Variants in DMD observed in about 807,000 individuals in gnomAD.
DMD encodes the protein dystrophin, also known as mutant dystrophin.
A neutral mutation model predicts 330.1 loss-of-function variants in DMD; 63 were observed. The observed-to-expected ratio is 0.19, with a 90% confidence interval of 0.16 to 0.24. DMD has a LOEUF of 0.24. Ranked by LOEUF, DMD falls within the 10% of genes least tolerant of loss-of-function variation. DMD has a pLI of 1.00. For missense variants in DMD, 3,344 were observed against 2,684.1 expected (o/e 1.25, Z -5.43); for synonymous variants, 1,223 against 959.8 (o/e 1.27, Z -5.07).
chrX:33,172,075 G>A (rs1440841386), intron 1 of DMD, among the ~76,000 whole-genome samples: 2 of 110,826 alleles, frequency 1.8e-5, no homozygotes, highest in Middle Eastern at 4.2e-3. Flanking sequence ...GAAGAGGGGA[G>A]GAAAAGAGTA....
In DMD at chrX:31,723,623, A is replaced by AACACACACACACACACACACAC. The variant is rs55718177; in HGVS notation, c.7660+5986_7660+6007dup. On this transcript the variant is annotated intron_variant, in intron 52 of 78. Transcript: ENST00000357033. ...CTTCATTTACTCCCTTATCCTCCAC[A>AACACACACACACACACACACAC]ACACACACACACACACACACACACA... Among the ~76,000 whole-genome samples the AACACACACACACACACACACAC allele has an allele frequency of 5.4e-4, 42 of 77,664 alleles. 1 individual carries two copies. Among genetic ancestry groups the AACACACACACACACACACACAC allele is most frequent in the African/African-American group, 1.8e-3 (36 of 19,784 alleles). The allele number at this position is 77,664 out of a possible 115,157, so 67.4% of individuals were successfully genotyped here.
At chrX:32,127,293 A>G (rs1043274616) in intron 44 of DMD, among the ~76,000 whole-genome samples, 1 of 111,640 alleles carries the variant, frequency 9.0e-6, no homozygotes, top group Admixed American at 9.6e-5. Flanking sequence ...ATTTACTCAA[A>G]AGGGCTTACA....
chrX:32,586,171 A>C (rs1316089325), intron 13 of DMD, among the ~76,000 whole-genome samples: 3 of 111,346 alleles, frequency 2.7e-5, no homozygotes, highest in African/African-American at 9.8e-5. Flanking sequence ...AGTAAATAAA[A>C]TAAAAAATCC....
At position 31,376,851 on chromosome X, in the gene DMD, A is replaced by G. The variant is rs140726291; in HGVS notation, c.9085-28217T>C. 5.1e-3 allele frequency among the ~76,000 whole-genome samples: 569 copies of G among 111,965 alleles called. 1 individual carries two copies. Among genetic ancestry groups the G allele is most frequent in the African/African-American group, 0.017 (523 of 30,814 alleles). ...GCACTGGGCTTCTCCCCAGAGTCACACAGGATTCTGCAGGTTTTAATGATT... is the reference window on the plus strand; with the variant it reads ...GCACTGGGCTTCTCCCCAGAGTCACGCAGGATTCTGCAGGTTTTAATGATT... On this transcript the variant is annotated intron_variant, in intron 60 of 78. Transcript: ENST00000357033.
intron 41 of DMD, among the ~76,000 whole-genome samples, chrX:32,326,827 A>T (rs948737686): frequency 9.1e-5 from 10 of 109,759 alleles, no homozygotes; most frequent in Non-Finnish European, 1.5e-4. Flanking sequence ...GAATCACTTG[A>T]ACCTGGGAGA....
chrX:32,247,124 A>G (rs772475434), intron 43 of DMD, among the ~76,000 whole-genome samples: 1 of 111,943 alleles, frequency 8.9e-6, no homozygotes, highest in African/African-American at 3.3e-5. Context: ...AAAATTTTAC[A>G]TCATGAAAAT....
chrX:32,526,900 T>G (rs1471866168), intron 17 of DMD, among the ~76,000 whole-genome samples: 1 of 112,120 alleles, frequency 8.9e-6, no homozygotes, highest in East Asian at 2.8e-4. Flanking sequence ...TAAACTAAGA[T>G]GACACATTTA....
chrX:33,162,022 T>C (rs891830164), intron 1 of DMD, among the ~76,000 whole-genome samples: 2 of 111,128 alleles, frequency 1.8e-5, no homozygotes, highest in Non-Finnish European at 3.8e-5. Flanking sequence ...ACAGTGAGAG[T>C]TGGATAGAGA....
intron 7 of DMD, among the ~76,000 whole-genome samples, chrX:32,708,340 G>C (rs1332487109): frequency 4.7e-5 from 5 of 107,138 alleles, no homozygotes; most frequent in African/African-American, 1.7e-4. Context: ...ATATAAAAGA[G>C]CTTAGCCTGT....
At chrX:32,736,931 AAACTT>A (rs2068585075) in intron 7 of DMD, among the ~76,000 whole-genome samples, 3 of 110,066 alleles carry the variant, frequency 2.7e-5, no homozygotes, top group Admixed American at 1.9e-4. Context: ...AAAGAAAAAA[AAACTT>A]AAAAATTTCA....
chrX:33,004,166 C>G (rs985451588), intron 2 of DMD, among the ~76,000 whole-genome samples: 1 of 81,617 alleles, frequency 1.2e-5, no homozygotes, highest in Non-Finnish European at 2.6e-5. Flanking sequence ...TTATTTGAAG[C>G]CTTTCCAATA....
chrX:33,000,882 C>G (rs766251681), intron 2 of DMD, among the ~76,000 whole-genome samples: 1 of 111,596 alleles, frequency 9.0e-6, no homozygotes, highest in East Asian at 2.8e-4. Flanking sequence ...GATGTGCTGC[C>G]AAACTTCTCA....
chrX:32,947,394 A>C (rs2090893759), intron 2 of DMD, among the ~76,000 whole-genome samples: 1 of 111,961 alleles, frequency 8.9e-6, no homozygotes, highest in African/African-American at 3.2e-5. Flanking sequence ...TTTATCATAA[A>C]ACTGGCTTCT....
intron 1 of DMD, among the ~76,000 whole-genome samples, chrX:33,080,254 A>G (rs991595468): frequency 1.8e-5 from 2 of 111,991 alleles, no homozygotes; most frequent in African/African-American, 6.5e-5. Flanking sequence ...CCTTTTTCAA[A>G]TCTTAGCCAA....
chrX:32,250,131 A>G (rs1263248548), intron 43 of DMD, among the ~76,000 whole-genome samples: 1 of 111,213 alleles, frequency 9.0e-6, no homozygotes, highest in East Asian at 2.8e-4. Context: ...AGTTTTATAG[A>G]ATCTTCTCAA....
intron 7 of DMD, among the ~76,000 whole-genome samples, chrX:32,782,096 A>G (rs1407363954): frequency 8.9e-6 from 1 of 111,930 alleles, no homozygotes; most frequent in Non-Finnish European, 1.9e-5. Context: ...TTTTGAATAC[A>G]ATCTAATGAA....
chrX:33,202,590 T>C (rs1002735392), intron 1 of DMD, among the ~76,000 whole-genome samples: 3 of 112,073 alleles, frequency 2.7e-5, no homozygotes, highest in African/African-American at 9.7e-5. Context: ...GCTGTGTATG[T>C]AAGACAGATC....
intron 63 of DMD, among the ~76,000 whole-genome samples, chrX:31,227,459 TA>T (rs761570211): frequency 2.7e-5 from 3 of 111,845 alleles, no homozygotes; most frequent in South Asian, 7.5e-4. Flanking sequence ...AGCCTTCTGC[TA>T]CCAGTTTTCC....
At chrX:32,359,335 T>G (rs2147189137) in intron 37 of DMD, among the ~76,000 whole-genome samples, 1 of 112,141 alleles carries the variant, frequency 8.9e-6, no homozygotes, top group Non-Finnish European at 1.9e-5. Flanking sequence ...GTTATTTCTC[T>G]ATTCAAGGGC....
Sources: gnomAD v4.1 joint callset for allele counts (sites outside exome capture counted in the v4.1 genomes callset) on GRCh38, gnomAD v4.1.1 for gene constraint, MANE v1.5 for transcripts, NCBI Gene and HGNC (gene_info 2026-07-23, HGNC 2026-07-21) for gene names.